The following ABCC4 variants were observed in gnomAD, a reference collection of about 807,000 sequenced individuals.
The protein encoded by ABCC4 is ATP binding cassette subfamily C member 4 (PEL blood group).
ABCC4 carries 102 observed loss-of-function variants against 168.5 expected under a neutral mutation model. That is an observed-to-expected ratio of 0.61 (90% confidence interval 0.52 to 0.71). The LOEUF (loss-of-function observed/expected upper bound fraction) is 0.71, where lower values mean the gene tolerates loss of function less well. Among genes scored for constraint, ABCC4 ranks in the 30% least tolerant of loss-of-function variants. ABCC4 has a pLI of 0.00. For synonymous variants in ABCC4, 617 were observed against 590.7 expected (o/e 1.04, Z -0.65); for missense variants, 1,402 against 1,605.8 (o/e 0.87, Z 2.17).
intron 26 of ABCC4, among the ~76,000 whole-genome samples, chr13:95,060,946 G>C (rs1433356239): frequency 1.3e-5 from 2 of 152,074 alleles, no homozygotes; most frequent in Non-Finnish European, 2.9e-5. Flanking sequence ...TCTCCTTTGT[G>C]TCTCTGTGAA....
intron 20 of ABCC4, among the ~76,000 whole-genome samples, chr13:95,095,067 G>A (rs960935867): frequency 2.0e-4 from 31 of 152,128 alleles, no homozygotes; most frequent in Admixed American, 1.3e-4. Flanking sequence ...TAGTACAGTC[G>A]CTATGGAAAA....
Position 95,209,563 on chromosome 13 carries a change from G to A in ABCC4, c.656C>T (p.Pro219Leu). 6.2e-7 allele frequency: 1 copy of A among 1,613,906 alleles called. No homozygotes were observed. The highest frequency in any genetic ancestry group is 8.5e-7 in the Non-Finnish European group (1 of 1,179,908). ...TVFLHFLWAG[P>L]LQAIAVTALL... Reference sequence around the variant, plus strand: ...GGCAGTCACTGCAATCGCCTGCAGTGGTCCTGCCCACAGGAAGTGTAAGAA... The same window carrying A: ...GGCAGTCACTGCAATCGCCTGCAGTAGTCCTGCCCACAGGAAGTGTAAGAA... The change falls in exon 6 of 31, where the codon CCA (proline) becomes CTA (leucine). Residue 219 changes from proline to leucine, a missense_variant. Coordinates refer to ENST00000645237, the MANE Select transcript of ABCC4 (RefSeq NM_005845.5).
At chr13:95,042,739 G>A (rs997697156) in intron 29 of ABCC4, among the ~76,000 whole-genome samples, 2 of 152,172 alleles carry the variant, frequency 1.3e-5, no homozygotes, top group Admixed American at 1.3e-4. Flanking sequence ...TCAGATTTAG[G>A]AGTGACCAAC....
In ABCC4 at chr13:95,247,102, T is replaced by C. The variant is rs759326754; in HGVS notation, c.186-7A>G. The stretch of plus-strand genomic sequence containing the variant: ...AACTTCTTTATCCCAGAACCTACAA[T>C]GAGGAAAAAGCTTCGTAAATAAGAG... On this transcript the variant is annotated splice_polypyrimidine_tract_variant and splice_region_variant and intron_variant, in intron 2 of 30. Transcript: ENST00000645237. 3.1e-6 allele frequency: 5 copies of C among 1,607,088 alleles called. No individual in the cohort carries two copies. Among genetic ancestry groups the C allele is most frequent in the South Asian group, 1.1e-5 (1 of 89,328 alleles).
chr13:95,021,547 C>T lies in ABCC4; in HGVS notation c.*28G>A, dbSNP rs765899152. On this transcript the variant is annotated 3_prime_UTR_variant, in exon 31 of 31. Coordinates refer to ENST00000645237, the MANE Select transcript of ABCC4 (RefSeq NM_005845.5). ...TCCAAAAACTAGTGGAAAATGCCTT[C>T]GGAACGGACTTGACATTTTGGTTGG... is the stretch of plus-strand genomic sequence containing the variant. 15 of 1,523,504 alleles carry T rather than the reference C, an allele frequency of 9.8e-6. No homozygotes were observed. The Admixed American group carries it at 1.2e-4, about 12-fold the overall frequency. The allele number at this position is 1,523,504 out of a possible 1,614,324, so 94.4% of individuals were successfully genotyped here.
intron 4 of ABCC4, among the ~76,000 whole-genome samples, chr13:95,217,041 T>C (rs1428646718): frequency 6.6e-6 from 1 of 152,186 alleles, no homozygotes; most frequent in Non-Finnish European, 1.5e-5. Context: ...CGCATGCCAT[T>C]AAGAACAATA....
intron 1 of ABCC4, 132 bp downstream of exon 1, chr13:95,301,109 C>G (rs2041667697): frequency 1.2e-6 from 1 of 832,766 alleles, no homozygotes; most frequent in African/African-American, 1.8e-5. Context: ...CGGCGTGGAC[C>G]GCGTGGCGTA....
Position 95,083,276 on chromosome 13 carries a change from C to T in ABCC4, c.2550G>A (p.Val850=), listed in dbSNP as rs778648705. The T allele has an allele frequency of 5.6e-6, 9 of 1,613,606 alleles. No homozygotes were observed. In the East Asian group the frequency reaches 1.8e-4, roughly 32 times the overall value. ...CCACAGCCACAGAGACCACACCAAC[C>T]ACTTGTAGCAATGTCTGAAATAGCA... The part of the protein sequence containing the change: ...FLDFIQTLLQ[V]VGVVSVAVAV... Residue 850 remains valine, a synonymous_variant, in exon 21 of 31, where the codon GTG becomes GTA. Transcript: ENST00000645237.
At chr13:95,183,814 T>C (rs1264939405) in intron 11 of ABCC4, among the ~76,000 whole-genome samples, 4 of 152,120 alleles carry the variant, frequency 2.6e-5, no homozygotes, top group African/African-American at 7.2e-5. Flanking sequence ...CTCAGGAGGC[T>C]GAGGCAGGAG....
rs541509246 is a variant in ABCC4, at chr13:95,272,583, A to T, written c.75-24830T>A. Among the ~76,000 whole-genome samples, 96 of 152,320 alleles carry T rather than the reference A, an allele frequency of 6.3e-4. 2 individuals carry two copies. The highest frequency in any genetic ancestry group is 9.8e-4 in the Non-Finnish European group (67 of 68,030). On this transcript the variant is annotated intron_variant, in intron 1 of 30. Coordinates refer to ENST00000645237, the MANE Select transcript of ABCC4 (RefSeq NM_005845.5). ...CTCCACAAGGCCACAGATTGATTTT[A>T]GCATCTAGTACTAAACATGTGGGGC...
chr13:95,161,218 G>A lies in ABCC4; in HGVS notation c.2426C>T (p.Pro809Leu), dbSNP rs762792440. 5.6e-6 allele frequency: 9 copies of A among 1,607,316 alleles called. No individual in the cohort carries two copies. The highest frequency in any genetic ancestry group is 2.7e-5 in the African/African-American group (2 of 74,698). Reference protein sequence around the residue: ...NKMFESILKAPVLFFDRNPIG... With the variant: ...NKMFESILKALVLFFDRNPIG... ...TGGATTTCTATCAAAGAATAATACC[G>A]GAGCTTTCAGAATTGACTCAAACAT... The change falls in exon 19 of 31, where the codon CCG becomes CTG. Residue 809 changes from proline (P) to leucine (L), a missense_variant. Pro to Leu is a moderately conservative substitution (Grantham distance 98). Coordinates refer to ENST00000645237, the MANE Select transcript of ABCC4 (RefSeq NM_005845.5).
chr13:95,037,872 G>A (rs1032858684), intron 29 of ABCC4, among the ~76,000 whole-genome samples: 1 of 152,000 alleles, frequency 6.6e-6, no homozygotes, highest in East Asian at 1.9e-4. Context: ...CAAATTTTTT[G>A]TTGTTGTTGT....
intron 29 of ABCC4, among the ~76,000 whole-genome samples, chr13:95,040,746 G>T (rs1340795813): frequency 2.0e-5 from 3 of 152,152 alleles, no homozygotes; most frequent in African/African-American, 7.2e-5. Flanking sequence ...TCTCCAGCTG[G>T]TTCTGCTAGA....
intron 14 of ABCC4, among the ~76,000 whole-genome samples, chr13:95,169,254 A>C (rs983102828): frequency 6.6e-6 from 1 of 152,192 alleles, no homozygotes; most frequent in Non-Finnish European, 1.5e-5. Flanking sequence ...TTGTTCTGGC[A>C]GCCCTAGGAA....
At chr13:95,102,838 C>T (rs1223106035) in intron 20 of ABCC4, among the ~76,000 whole-genome samples, 7 of 150,224 alleles carry the variant, frequency 4.7e-5, no homozygotes, top group Admixed American at 2.6e-4. Context: ...CCAGGCTGGT[C>T]TCAAACTCCT....
intron 19 of ABCC4, among the ~76,000 whole-genome samples, chr13:95,152,190 T>C (rs2036710915): frequency 6.6e-6 from 1 of 152,184 alleles, no homozygotes; most frequent in South Asian, 2.1e-4. Context: ...GGCCATCACG[T>C]ATCAGAAACA....
intron 19 of ABCC4, among the ~76,000 whole-genome samples, chr13:95,157,912 A>G (rs1478923195): frequency 6.6e-6 from 1 of 151,076 alleles, no homozygotes; most frequent in South Asian, 2.1e-4. Flanking sequence ...CTACTAAAAA[A>G]GTACAAAAAA....
chr13:95,157,928 C>G (rs962170790), intron 19 of ABCC4, among the ~76,000 whole-genome samples: 1 of 152,070 alleles, frequency 6.6e-6, no homozygotes, highest in East Asian at 1.9e-4. Flanking sequence ...AAAAATTAGC[C>G]GGGCGTGGTG....
chr13:95,053,659 C>T (rs1178445635), intron 26 of ABCC4: 3 of 162,844 alleles, frequency 1.8e-5, no homozygotes, highest in Admixed American at 1.7e-4. Context: ...TTATTTTCTC[C>T]GTTGGCAAAA....
Sources: allele counts gnomAD v4.1 joint callset (sites outside exome capture counted in the v4.1 genomes callset), GRCh38; gene constraint gnomAD v4.1.1; transcripts MANE v1.5; gene names NCBI Gene and HGNC (gene_info 2026-07-23, HGNC 2026-07-21).